Variants in MPDZ observed in about 807,000 individuals in gnomAD.
MPDZ encodes the protein multiple PDZ domain protein.
In MPDZ, 234 loss-of-function variants were observed where a neutral mutation model predicts 239.1. The observed-to-expected ratio is 0.98, with a 90% confidence interval of 0.88 to 1.09. The LOEUF (loss-of-function observed/expected upper bound fraction) is 1.09, where lower values mean the gene tolerates loss of function less well. MPDZ is among the 50% of genes least tolerant of loss of function. MPDZ has a pLI of 0.00. For missense variants in MPDZ, 3,175 were observed against 2,510.0 expected (o/e 1.26, Z -5.66); for synonymous variants, 1,048 against 881.3 (o/e 1.19, Z -3.35).
rs147062986 is a variant in MPDZ, at chr9:13,114,196, ATG to A, written c.5467-177_5467-176del. ...TGATTTTTTTTCTTTTAAACAGAGAATGTGTCTAGTGACATAAATAAATTGAA... is the reference window on the plus strand; with the variant it reads ...TGATTTTTTTTCTTTTAAACAGAGAATGTCTAGTGACATAAATAAATTGAA... On this transcript the variant is annotated intron_variant, in intron 40 of 46. Coordinates refer to ENST00000319217, the MANE Select transcript of MPDZ (RefSeq NM_001378778.1). Among the ~76,000 whole-genome samples, 1,269 of 152,338 alleles carry A rather than the reference ATG, an allele frequency of 8.3e-3. 38 individuals carry two copies. In the South Asian group the frequency reaches 0.099, roughly 12 times the overall value.
chr9:13,220,205 T>C (rs1273205725), intron 7 of MPDZ, among the ~76,000 whole-genome samples: 4 of 152,022 alleles, frequency 2.6e-5, no homozygotes, highest in Non-Finnish European at 5.9e-5. Context: ...ACTTTCTGCC[T>C]GGCTATTTCT....
chr9:13,261,854 A>T (rs1230535834), intron 1 of MPDZ, among the ~76,000 whole-genome samples: 1 of 118,488 alleles, frequency 8.4e-6, no homozygotes, highest in African/African-American at 3.2e-5. Flanking sequence ...CAACAAAGTG[A>T]GACCTGTCTC....
At chr9:13,194,947 C>T (rs1018154404) in intron 13 of MPDZ, among the ~76,000 whole-genome samples, 1 of 151,822 alleles carries the variant, frequency 6.6e-6, no homozygotes, top group Non-Finnish European at 1.5e-5. Context: ...AACAGCTATA[C>T]TTACTCAATT....
chr9:13,108,904 G>GA (rs1413453932), intron 46 of MPDZ, 32 bp downstream of exon 46: 1 of 1,603,474 alleles, frequency 6.2e-7, no homozygotes, highest in Admixed American at 1.7e-5. Context: ...ATGTTTAGGG[G>GA]AAAAGAGGGT....
intron 1 of MPDZ, among the ~76,000 whole-genome samples, chr9:13,272,621 GCTGAGGCGGGGAGATCACCTGAC>G (rs1379883009): frequency 4.0e-5 from 6 of 150,864 alleles, no homozygotes; most frequent in Admixed American, 2.0e-4. Flanking sequence ...ACTTTTGGAG[GCTGAGGCGGGGAGATCACCTGAC>G]CTGAGGTCAG....
At chr9:13,161,144 T>C (rs1350671221) in intron 23 of MPDZ, among the ~76,000 whole-genome samples, 1 of 151,676 alleles carries the variant, frequency 6.6e-6, no homozygotes, top group Non-Finnish European at 1.5e-5. Context: ...TAACATACCT[T>C]CCCCTTCCCT....
intron 24 of MPDZ, among the ~76,000 whole-genome samples, chr9:13,156,662 C>T (rs978938003): frequency 1.2e-4 from 19 of 152,160 alleles, no homozygotes; most frequent in African/African-American, 4.6e-4. Context: ...GGTGGGGACA[C>T]AGAGCCAAAC....
intron 12 of MPDZ, among the ~76,000 whole-genome samples, chr9:13,197,383 C>T (rs899918571): frequency 2.0e-5 from 3 of 151,988 alleles, no homozygotes; most frequent in South Asian, 2.1e-4. Context: ...AGTAACACTC[C>T]CGAGTAGCTG....
intron 21 of MPDZ, 102 bp from the exon 22 acceptor site, chr9:13,168,666 A>C: frequency 1.1e-6 from 1 of 934,120 alleles, no homozygotes; most frequent in Non-Finnish European, 1.5e-6. Flanking sequence ...AAAAAATACA[A>C]GTAACATTTC....
At chr9:13,269,867 T>G (rs1483899549) in intron 1 of MPDZ, among the ~76,000 whole-genome samples, 1 of 152,200 alleles carries the variant, frequency 6.6e-6, no homozygotes, top group East Asian at 1.9e-4. Context: ...GAAAATTGCA[T>G]GAAGAAATCC....
At chr9:13,136,330 T>C (rs1351482120) in intron 30 of MPDZ, 148 bp from the exon 31 acceptor site, 10 of 435,442 alleles carry the variant, frequency 2.3e-5, no homozygotes, top group East Asian at 4.4e-5. Flanking sequence ...GTTTTCTTTT[T>C]TTTTTTTTTT....
intron 18 of MPDZ, among the ~76,000 whole-genome samples, chr9:13,185,773 A>G (rs1479616509): frequency 6.6e-6 from 1 of 152,158 alleles, no homozygotes; most frequent in Non-Finnish European, 1.5e-5. Context: ...GTAAATCAGT[A>G]TACTTACATA....
At chr9:13,144,144 T>G (rs1192061832) in intron 26 of MPDZ, among the ~76,000 whole-genome samples, 1 of 152,092 alleles carries the variant, frequency 6.6e-6, no homozygotes, top group African/African-American at 2.4e-5. Context: ...TATTAAAAAA[T>G]GAACTCCTGT....
chr9:13,221,901 C>T (rs1048082657), intron 6 of MPDZ, among the ~76,000 whole-genome samples: 1 of 151,968 alleles, frequency 6.6e-6, no homozygotes, highest in African/African-American at 2.4e-5. Flanking sequence ...TTACTGACAG[C>T]TAACTCTAAC....
Position 13,153,784 on chromosome 9 carries a change from CTTAACTCTT to C in MPDZ, c.3453-3105_3453-3097del, listed in dbSNP as rs144604441. ...AACCCAGAATACATAGGTAGGACTC[CTTAACTCTT>C]TTCTTAAGAATAAAAAATAAAATAA... On this transcript the variant is annotated intron_variant, in intron 24 of 46. Transcript: ENST00000319217. Among the ~76,000 whole-genome samples, 153 of 151,938 alleles carry C rather than the reference CTTAACTCTT, an allele frequency of 1.0e-3. No individual in the cohort carries two copies. The East Asian group carries it at 0.023, about 23-fold the overall frequency.
At chr9:13,279,258 C>A (rs1312107809) in intron 1 of MPDZ, 142 bp downstream of exon 1, 1 of 126,928 alleles carries the variant, frequency 7.9e-6, no homozygotes, top group Non-Finnish European at 1.7e-5. Context: ...CCTACCCCCA[C>A]CCCCACCCCC....
chr9:13,208,530 G>C (rs1356584688), intron 10 of MPDZ, among the ~76,000 whole-genome samples: 1 of 150,970 alleles, frequency 6.6e-6, no homozygotes, highest in Non-Finnish European at 1.5e-5. Flanking sequence ...GTTTCTGAAA[G>C]AATATAATAA....
chr9:13,193,163 T>A lies in MPDZ; in HGVS notation c.1803+4A>T, dbSNP rs1335303515. ...GGAGGAGAAGGAACAGCATAGCTCC[T>A]TACTTCCAATAGCTCGTCTCCACTG... On this transcript the variant is annotated splice_donor_region_variant and intron_variant, in intron 14 of 46. Transcript: ENST00000319217. 1 of 1,569,722 alleles carries A rather than the reference T, an allele frequency of 6.4e-7. No homozygotes were observed. The highest frequency in any genetic ancestry group is 8.7e-7 in the Non-Finnish European group (1 of 1,153,526).
chr9:13,184,328 G>A (rs1319185905), intron 18 of MPDZ, among the ~76,000 whole-genome samples: 4 of 151,912 alleles, frequency 2.6e-5, no homozygotes, highest in Non-Finnish European at 5.9e-5. Flanking sequence ...AGTCATACCT[G>A]AGAATAGGCA....
Sources: allele counts gnomAD v4.1 joint callset (sites outside exome capture counted in the v4.1 genomes callset), GRCh38; gene constraint gnomAD v4.1.1; transcripts MANE v1.5; gene names NCBI Gene and HGNC (gene_info 2026-07-23, HGNC 2026-07-21).